The following LHFPL7 variants were observed in gnomAD, a reference collection of about 807,000 sequenced individuals.
LHFPL7 encodes the protein LHFPL tetraspan subfamily member 7 protein.
At chr22:24,943,499 G>A in the LHFPL7 span, among the ~76,000 whole-genome samples, 2 of 152,054 alleles carry the variant, frequency 1.3e-5, no homozygotes, top group African/African-American at 2.4e-5. Context: ...ACCAGGCTTC[G>A]GTCTAAGCAC....
the LHFPL7 span, among the ~76,000 whole-genome samples, chr22:24,937,029 C>G: frequency 6.6e-6 from 1 of 152,062 alleles, no homozygotes; most frequent in African/African-American, 2.4e-5. Flanking sequence ...AAGCACTGTG[C>G]TAGGGGCTGG....
At chr22:24,941,060 G>GT in the LHFPL7 span, among the ~76,000 whole-genome samples, 525 of 147,466 alleles carry the variant, frequency 3.6e-3, no homozygotes, top group Non-Finnish European at 5.0e-3. Flanking sequence ...CAGCCACTTT[G>GT]TTTTTTTTTT....
the LHFPL7 span, among the ~76,000 whole-genome samples, chr22:24,937,299 A>G: frequency 6.6e-6 from 1 of 152,258 alleles, no homozygotes. Context: ...AATCTGGGGA[A>G]AGAGGAGTCC....
At chr22:24,938,351 A>G in the LHFPL7 span, 6 of 1,612,096 alleles carry the variant, frequency 3.7e-6, no homozygotes, top group Non-Finnish European at 5.1e-6. Context: ...TCCGAGGAGC[A>G]TCACAGCTGA....
At chr22:24,939,699 A>T in the LHFPL7 span, 1 of 619,976 alleles carries the variant, frequency 1.6e-6, no homozygotes, top group Non-Finnish European at 2.9e-6. Context: ...TGCAAATGGG[A>T]GGTACTAATA....
At chr22:24,936,292 A>C in the LHFPL7 span, among the ~76,000 whole-genome samples, 1 of 151,834 alleles carries the variant, frequency 6.6e-6, no homozygotes, top group South Asian at 2.1e-4. Context: ...CCCATCTCTC[A>C]TCCTACATCC....
chr22:24,939,924 C>CTTTTTTTTTT, the LHFPL7 span, among the ~76,000 whole-genome samples: 52 of 86,984 alleles, frequency 6.0e-4, 1 homozygote, highest in African/African-American at 1.6e-3. Context: ...TCATTTATCG[C>CTTTTTTTTTT]TTTTTTTTTT....
At chr22:24,938,780 T>G in the LHFPL7 span, among the ~76,000 whole-genome samples, 11 of 152,214 alleles carry the variant, frequency 7.2e-5, no homozygotes, top group African/African-American at 2.7e-4. Context: ...ATTGTTGATT[T>G]TGGCAATGTG....
the LHFPL7 span, chr22:24,939,232 G>T: frequency 1.4e-6 from 1 of 690,178 alleles, no homozygotes; most frequent in Non-Finnish European, 2.6e-6. Flanking sequence ...GGACACTCAG[G>T]CAGTGAGGAA....
the LHFPL7 span, among the ~76,000 whole-genome samples, chr22:24,943,409 A>G: frequency 5.3e-5 from 8 of 152,176 alleles, no homozygotes; most frequent in Non-Finnish European, 1.0e-4. Flanking sequence ...CCACCTAAGG[A>G]GAGCTTGAAA....
At chr22:24,937,774 G>A in the LHFPL7 span, among the ~76,000 whole-genome samples, 34 of 152,334 alleles carry the variant, frequency 2.2e-4, 1 homozygote, top group Admixed American at 2.2e-3. Flanking sequence ...AGCAAGTGAA[G>A]TATGGACTAG....
At chr22:24,935,372 G>A in the LHFPL7 span, 6 of 1,613,890 alleles carry the variant, frequency 3.7e-6, no homozygotes, top group Non-Finnish European at 5.1e-6. Flanking sequence ...TTCTCTCGGT[G>A]GCACTGGAGA....
the LHFPL7 span, chr22:24,939,481 AG>A: frequency 7.1e-6 from 5 of 703,000 alleles, no homozygotes; most frequent in Non-Finnish European, 5.2e-6. Flanking sequence ...ATGAGGCTGA[AG>A]GCTGAGGTGC....
At chr22:24,939,990 C>T in the LHFPL7 span, among the ~76,000 whole-genome samples, 1 of 132,796 alleles carries the variant, frequency 7.5e-6, no homozygotes, top group African/African-American at 2.8e-5. Flanking sequence ...TGCAGTGGTG[C>T]GATCTCGGCT....
the LHFPL7 span, among the ~76,000 whole-genome samples, chr22:24,945,518 AG>A: frequency 6.6e-6 from 1 of 152,224 alleles, no homozygotes; most frequent in Admixed American, 6.5e-5. Flanking sequence ...GAAGGTGAAC[AG>A]GCAAGGATGC....
the LHFPL7 span, chr22:24,938,164 C>T: frequency 1.2e-6 from 2 of 1,614,172 alleles, no homozygotes; most frequent in Non-Finnish European, 1.7e-6. Flanking sequence ...ACTGCCTGCA[C>T]CCCTGGCATT....
the LHFPL7 span, among the ~76,000 whole-genome samples, chr22:24,944,037 G>GT: frequency 2.6e-5 from 4 of 152,160 alleles, no homozygotes; most frequent in Non-Finnish European, 5.9e-5. Context: ...ACAGAACGTA[G>GT]TCCCCACCTT....
chr22:24,935,412 G>A, the LHFPL7 span: 3 of 1,614,108 alleles, frequency 1.9e-6, no homozygotes, highest in Non-Finnish European at 2.5e-6. Context: ...GACCTTGGTT[G>A]TGTGGGGCCA....
At chr22:24,936,248 T>C in the LHFPL7 span, among the ~76,000 whole-genome samples, 1,436 of 152,222 alleles carry the variant, frequency 9.4e-3, 18 homozygotes, top group African/African-American at 0.031. Flanking sequence ...ATCTGCCTAC[T>C]TAGCCACTTG....
Sources: allele counts gnomAD v4.1 joint callset (sites outside exome capture counted in the v4.1 genomes callset), GRCh38; gene constraint gnomAD v4.1.1; transcripts MANE v1.5; gene names NCBI Gene and HGNC (gene_info 2026-07-23, HGNC 2026-07-21).